Variants in HLA-DRB5 observed in about 807,000 individuals in gnomAD.
HLA-DRB5 encodes DR beta-5.
A neutral mutation model predicts 22.4 loss-of-function variants in HLA-DRB5; 11 were observed. That is an observed-to-expected ratio of 0.49 (90% confidence interval 0.31 to 0.81). The LOEUF is 0.81. Ranked by LOEUF, HLA-DRB5 falls within the 40% of genes least tolerant of loss-of-function variation. The pLI, the probability that HLA-DRB5 is intolerant of heterozygous loss-of-function variation, is 0.05. For synonymous variants in HLA-DRB5, 57 were observed against 106.0 expected, an observed-to-expected ratio of 0.54 and a Z score of 2.84; for missense variants, 106 against 274.4, an observed-to-expected ratio of 0.39 and a Z score of 4.34.
intron 1 of HLA-DRB5, among the ~76,000 whole-genome samples, chr6:32,528,273 A>C (rs201348470): frequency 0.28 from 31,798 of 115,212 alleles, 870 homozygotes; most frequent in Admixed American, 0.32. Flanking sequence ...GACTCTCTGA[A>C]ATTTTCTTCT....
chr6:32,528,948 G>GA lies in HLA-DRB5; in HGVS notation c.100+1176dup, dbSNP rs1478886744. ...ACAGAGCCAGGCCCTATCTCAAAAA[G>GA]AAAAAAATTATCTCTTTCAATGGAT... On this transcript the variant is annotated intron_variant, in intron 1 of 5. Coordinates refer to ENST00000374975, the MANE Select transcript of HLA-DRB5 (RefSeq NM_002125.4). Among the ~76,000 whole-genome samples, 20 of 112,776 alleles carry GA rather than the reference G, an allele frequency of 1.8e-4. No homozygotes were observed. The East Asian group carries it at 3.0e-3, about 17-fold the overall frequency. 74.0% of individuals were successfully genotyped at this position (112,776 alleles called of 152,430 possible).
chr6:32,524,060 G>T (rs116054316), intron 1 of HLA-DRB5, among the ~76,000 whole-genome samples: 5,013 of 29,790 alleles, frequency 0.17, 1,357 homozygotes, highest in Middle Eastern at 0.32. Context: ...GGTGGTGAAC[G>T]ATCCCTGGGT....
intron 1 of HLA-DRB5, among the ~76,000 whole-genome samples, chr6:32,524,885 A>G (rs1196962032): frequency 4.3e-3 from 166 of 38,838 alleles, no homozygotes; most frequent in Admixed American, 7.2e-3. Context: ...TCTGAAATTC[A>G]GATTTAACTA....
intron 1 of HLA-DRB5, among the ~76,000 whole-genome samples, chr6:32,529,109 G>A (rs150968121): frequency 0.017 from 2,482 of 142,278 alleles, 75 homozygotes; most frequent in Admixed American, 0.031. Context: ...GGCATGACGG[G>A]TGAACCTATG....
intron 1 of HLA-DRB5, among the ~76,000 whole-genome samples, chr6:32,524,604 A>AAATAATGT (rs1769369268): frequency 5.7e-5 from 5 of 88,284 alleles, no homozygotes; most frequent in South Asian, 6.8e-4. Context: ...AGAGACCTTC[A>AAATAATGT]CAAAGCTCCG....
chr6:32,522,036 G>A lies in HLA-DRB5; in HGVS notation c.239C>T (p.Thr80Met), dbSNP rs79606458. 9 of 1,448,038 alleles carry A rather than the reference G, an allele frequency of 6.2e-6. No homozygotes were observed. In the South Asian group the frequency reaches 9.2e-5, roughly 15 times the overall value. 89.7% of individuals were successfully genotyped at this position (1,448,038 alleles called of 1,614,324 possible). A position where few individuals can be genotyped will look rare whatever the true frequency, so the allele number is the denominator to read the frequency against. The change falls in exon 2 of 6, where the codon ACG becomes ATG. Residue 80 changes from threonine (T) to methionine (M), a missense_variant. Coordinates refer to ENST00000374975, the MANE Select transcript of HLA-DRB5 (RefSeq NM_002125.4). The part of the protein sequence containing the change: ...DSDVGEYRAV[T>M]ELGRPDAEYW... ...CTCAGCGTCAGGCCGCCCCAGCTCC[G>A]TCACCGCCCGGTACTCCCCCACGTC...
chr6:32,518,874 C>A (rs1167587113), intron 3 of HLA-DRB5, among the ~76,000 whole-genome samples: 108 of 56,348 alleles, frequency 1.9e-3, no homozygotes, highest in African/African-American at 3.4e-3. Flanking sequence ...ATATTACAGC[C>A]CTGATGTAAG....
intron 1 of HLA-DRB5, among the ~76,000 whole-genome samples, chr6:32,524,741 T>G (rs1769389513): frequency 1.2e-5 from 1 of 80,190 alleles, no homozygotes; most frequent in African/African-American, 5.1e-5. Flanking sequence ...ATTTGTAAAG[T>G]CACTGTCACT....
At chr6:32,522,989 G>T (rs114839536) in intron 1 of HLA-DRB5, among the ~76,000 whole-genome samples, 11,258 of 127,394 alleles carry the variant, frequency 0.088, 152 homozygotes, top group East Asian at 0.12. Context: ...CTAGAACAAA[G>T]TTCACTAAAG....
intron 1 of HLA-DRB5, 40 bp downstream of exon 1, chr6:32,530,085 C>T (rs1180164809): frequency 1.7e-5 from 19 of 1,121,438 alleles, no homozygotes; most frequent in African/African-American, 1.4e-4. Context: ...CCCTATTTTC[C>T]CCACCCCATA....
At chr6:32,526,927 C>A (rs117616320) in intron 1 of HLA-DRB5, among the ~76,000 whole-genome samples, 4 of 35,868 alleles carry the variant, frequency 1.1e-4, no homozygotes, top group East Asian at 7.9e-4. Flanking sequence ...CACTTCAAAT[C>A]ATTTCCTCCC....
chr6:32,526,565 C>G lies in HLA-DRB5; in HGVS notation c.100+3560G>C, dbSNP rs1410387428. 1.3e-3 allele frequency among the ~76,000 whole-genome samples: 40 copies of G among 31,022 alleles called. 18 individuals carry two copies. Among genetic ancestry groups the G allele is most frequent in the African/African-American group, 4.7e-3 (36 of 7,668 alleles). 20.4% of individuals were successfully genotyped at this position (31,022 alleles called of 152,430 possible). On this transcript the variant is annotated intron_variant, in intron 1 of 5. Coordinates refer to ENST00000374975, the MANE Select transcript of HLA-DRB5 (RefSeq NM_002125.4). Reference sequence around the variant, plus strand: ...GACGGAGTCTTGCTCTGTCACCCAGCCTGGAGTGAAGTGGTGTGATCTCAG... The same window carrying G: ...GACGGAGTCTTGCTCTGTCACCCAGGCTGGAGTGAAGTGGTGTGATCTCAG...
intron 1 of HLA-DRB5, among the ~76,000 whole-genome samples, chr6:32,526,089 T>G (rs1241854656): frequency 9.0e-4 from 78 of 86,774 alleles, no homozygotes; most frequent in Non-Finnish European, 1.3e-3. Context: ...AGTCCTTCCC[T>G]GAAGCTCGCT....
intron 1 of HLA-DRB5, among the ~76,000 whole-genome samples, chr6:32,528,469 GCA>G (rs1769901279): frequency 4.0e-5 from 2 of 49,606 alleles, no homozygotes; most frequent in East Asian, 6.2e-4. Context: ...ACTGATCACT[GCA>G]AGGATCCTGG....
chr6:32,520,676 A>AT (rs200089268), intron 2 of HLA-DRB5, among the ~76,000 whole-genome samples: 6,996 of 58,858 alleles, frequency 0.12, 862 homozygotes, highest in East Asian at 0.2. Context: ...CAATAAATAC[A>AT]TTTTTTTTAA....
At chr6:32,528,448 T>G (rs115349662) in intron 1 of HLA-DRB5, among the ~76,000 whole-genome samples, 12,554 of 31,500 alleles carry the variant, frequency 0.4, 1,848 homozygotes, top group Admixed American at 0.43. Context: ...TAATAAACCA[T>G]GGTTCTGGGA....
intron 3 of HLA-DRB5, among the ~76,000 whole-genome samples, chr6:32,518,909 A>C (rs537159235): frequency 1.7e-5 from 1 of 57,746 alleles, no homozygotes; most frequent in South Asian, 4.8e-4. Flanking sequence ...TCTGATAAAC[A>C]GAAAGCCTGA....
chr6:32,523,062 T>G (rs1241034189), intron 1 of HLA-DRB5, among the ~76,000 whole-genome samples: 2 of 122,198 alleles, frequency 1.6e-5, no homozygotes, highest in African/African-American at 3.1e-5. Context: ...AAGCCAGGTA[T>G]TGAAAAGCGT....
intron 3 of HLA-DRB5, among the ~76,000 whole-genome samples, chr6:32,518,944 T>G (rs112921921): frequency 0.013 from 882 of 68,256 alleles, 3 homozygotes; most frequent in Admixed American, 0.015. Context: ...AAATAGTTTG[T>G]CTAGAGTGAC....
Sources: gnomAD v4.1 joint callset for allele counts (sites outside exome capture counted in the v4.1 genomes callset) on GRCh38, gnomAD v4.1.1 for gene constraint, MANE v1.5 for transcripts, NCBI Gene and HGNC (gene_info 2026-07-23, HGNC 2026-07-21) for gene names.